The following GFRAL variants were observed in gnomAD, a reference collection of about 807,000 sequenced individuals.
GFRAL encodes the protein GDNF family receptor alpha-like.
A neutral mutation model predicts 45.4 loss-of-function variants in GFRAL; 36 were observed. That is an observed-to-expected ratio of 0.79 (90% confidence interval 0.61 to 1.05). The LOEUF (loss-of-function observed/expected upper bound fraction) is 1.05, where lower values mean the gene tolerates loss of function less well. Ranked by LOEUF, GFRAL falls within the 50% of genes least tolerant of loss-of-function variation. The probability of loss-of-function intolerance (pLI) is 0.00; values close to 1 mark genes in which losing one functional copy is unlikely to be tolerated. For missense variants in GFRAL, 507 were observed against 467.5 expected (o/e 1.08, Z -0.78); for synonymous variants, 166 against 154.1 (o/e 1.08, Z -0.57).
chr6:55,362,557 A>G (rs1768290419), intron 6 of GFRAL, among the ~76,000 whole-genome samples: 1 of 151,968 alleles, frequency 6.6e-6, no homozygotes. Flanking sequence ...CACAGAACAA[A>G]TTTGTGGCCC....
At chr6:55,399,715 TC>T (rs1255482706) in intron 8 of GFRAL, among the ~76,000 whole-genome samples, 1 of 152,122 alleles carries the variant, frequency 6.6e-6, no homozygotes, top group Admixed American at 6.5e-5. Context: ...TATCCATCTT[TC>T]CCCTTGGCTT....
intron 6 of GFRAL, among the ~76,000 whole-genome samples, chr6:55,393,791 G>C (rs1018725600): frequency 6.6e-6 from 1 of 152,102 alleles, no homozygotes; most frequent in East Asian, 1.9e-4. Context: ...AGAGGCTTTA[G>C]GATTTCATTT....
intron 5 of GFRAL, among the ~76,000 whole-genome samples, chr6:55,357,078 T>C (rs1768205282): frequency 6.6e-6 from 1 of 151,948 alleles, no homozygotes; most frequent in Non-Finnish European, 1.5e-5. Flanking sequence ...TTTCAAGTTT[T>C]TGAAAATTTT....
chr6:55,369,135 A>G (rs369524884), intron 6 of GFRAL, among the ~76,000 whole-genome samples: 1 of 151,454 alleles, frequency 6.6e-6, no homozygotes, highest in East Asian at 1.9e-4. Flanking sequence ...TGCTGGATAG[A>G]ATCTCATGGT....
chr6:55,350,735 G>T lies in GFRAL; in HGVS notation c.371-518G>T, dbSNP rs1768105668. ...TAGTAGATAGTGATTACATTTAATA[G>T]GTATTTGTGATCATATAAGTTATTT... On this transcript the variant is annotated intron_variant, in intron 4 of 8. Transcript: ENST00000340465. Among the ~76,000 whole-genome samples the T allele has an allele frequency of 1.3e-5, 2 of 151,938 alleles. 1 individual carries two copies. Among genetic ancestry groups the T allele is most frequent in the South Asian group, 4.2e-4 (2 of 4,810 alleles).
intron 3 of GFRAL, among the ~76,000 whole-genome samples, chr6:55,340,296 C>T (rs773888415): frequency 6.6e-6 from 1 of 152,146 alleles, no homozygotes; most frequent in Non-Finnish European, 1.5e-5. Flanking sequence ...CTCCAGAGTA[C>T]ACAGACATGC....
chr6:55,392,836 C>T (rs1368295623), intron 6 of GFRAL, among the ~76,000 whole-genome samples: 1 of 151,828 alleles, frequency 6.6e-6, no homozygotes, highest in African/African-American at 2.4e-5. Context: ...CACAAGTTCA[C>T]CTATGTAACA....
intron 6 of GFRAL, among the ~76,000 whole-genome samples, chr6:55,360,771 C>T (rs1166832257): frequency 6.6e-6 from 1 of 151,724 alleles, no homozygotes; most frequent in Non-Finnish European, 1.5e-5. Flanking sequence ...CAGGAAAATA[C>T]CAAATAACCA....
intron 3 of GFRAL, among the ~76,000 whole-genome samples, chr6:55,347,703 G>A (rs1220644577): frequency 6.6e-6 from 1 of 152,108 alleles, no homozygotes; most frequent in Non-Finnish European, 1.5e-5. Context: ...GAAATGGGTA[G>A]GATTCACTAG....
chr6:55,385,261 T>G (rs549124845), intron 6 of GFRAL, among the ~76,000 whole-genome samples: 1 of 152,188 alleles, frequency 6.6e-6, no homozygotes, highest in East Asian at 1.9e-4. Context: ...ATCTCCACAT[T>G]GTAAAATGAT....
At chr6:55,339,622 AAGAG>A (rs1233955486) in intron 3 of GFRAL, among the ~76,000 whole-genome samples, 1 of 152,188 alleles carries the variant, frequency 6.6e-6, no homozygotes, top group Non-Finnish European at 1.5e-5. Context: ...AAGCCAATGA[AAGAG>A]AGGACATGAA....
intron 6 of GFRAL, among the ~76,000 whole-genome samples, chr6:55,390,700 C>T (rs1176028931): frequency 6.6e-6 from 1 of 151,846 alleles, no homozygotes; most frequent in East Asian, 1.9e-4. Flanking sequence ...CCAGCCTGAC[C>T]AACATGGTGA....
rs756733310 is a variant in GFRAL at position 55,333,869 on chromosome 6, A to G, written c.241A>G (p.Lys81Glu). The G allele has an allele frequency of 9.9e-6, 16 of 1,611,012 alleles. No individual in the cohort carries two copies. The highest frequency in any genetic ancestry group is 1.3e-5 in the Non-Finnish European group (15 of 1,177,948). The stretch of plus-strand genomic sequence containing the variant: ...CTTAGTGGAAAGCAATTTCCAATTT[A>G]AAGAGTGTCTTTGCACTGATGACTT... Reference protein sequence around the residue: ...QYLVESNFQFKECLCTDDFYC... With the variant: ...QYLVESNFQFEECLCTDDFYC... Residue 81 changes from lysine (K) to glutamate (E), a missense_variant, in exon 3 of 9, where the codon AAA (lysine) becomes GAA (glutamate). Coordinates refer to ENST00000340465, the MANE Select transcript of GFRAL (RefSeq NM_207410.2).
intron 6 of GFRAL, among the ~76,000 whole-genome samples, chr6:55,386,249 A>C (rs970622025): frequency 6.6e-6 from 1 of 152,146 alleles, no homozygotes; most frequent in Non-Finnish European, 1.5e-5. Context: ...TTCAATAAAC[A>C]ATCATAATAA....
chr6:55,341,509 A>C (rs1253707490), intron 3 of GFRAL, among the ~76,000 whole-genome samples: 2 of 152,208 alleles, frequency 1.3e-5, no homozygotes, highest in Non-Finnish European at 2.9e-5. Context: ...CATCCACACC[A>C]AAACCCCATC....
intron 6 of GFRAL, among the ~76,000 whole-genome samples, chr6:55,390,998 G>GT (rs1254590873): frequency 1.3e-5 from 2 of 151,636 alleles, no homozygotes; most frequent in African/African-American, 4.9e-5. Flanking sequence ...CAAAATAGAA[G>GT]TGAATCTTTA....
At chr6:55,365,728 A>G (rs1299232082) in intron 6 of GFRAL, among the ~76,000 whole-genome samples, 12 of 149,534 alleles carry the variant, frequency 8.0e-5, no homozygotes, top group African/African-American at 2.2e-4. Context: ...CTCTGTTTAT[A>G]TGCTGGATTA....
chr6:55,334,633 C>T (rs946748215), intron 3 of GFRAL, among the ~76,000 whole-genome samples: 8 of 152,144 alleles, frequency 5.3e-5, no homozygotes, highest in Non-Finnish European at 1.0e-4. Context: ...CACAATCAAC[C>T]TTCTCTCACT....
At chr6:55,397,938 A>T (rs1366936137) in intron 6 of GFRAL, among the ~76,000 whole-genome samples, 18 of 152,238 alleles carry the variant, frequency 1.2e-4, no homozygotes, top group Admixed American at 1.2e-3. Context: ...GCAAATATTT[A>T]CCATTGCATT....
Sources: gnomAD v4.1 joint callset for allele counts (sites outside exome capture counted in the v4.1 genomes callset) on GRCh38, gnomAD v4.1.1 for gene constraint, MANE v1.5 for transcripts, NCBI Gene and HGNC (gene_info 2026-07-23, HGNC 2026-07-21) for gene names.